The following CGNL1 variants were observed in gnomAD, a reference collection of about 807,000 sequenced individuals.
The protein encoded by CGNL1 is cingulin like 1.
In CGNL1, 132 loss-of-function variants were observed where a neutral mutation model predicts 141.2. The observed-to-expected ratio is 0.93, with a 90% confidence interval of 0.81 to 1.08. The LOEUF (loss-of-function observed/expected upper bound fraction) is 1.08, where lower values mean the gene tolerates loss of function less well. Ranked by LOEUF, CGNL1 falls within the 50% of genes least tolerant of loss-of-function variation. The pLI, the probability that CGNL1 is intolerant of heterozygous loss-of-function variation, is 0.00. For missense variants in CGNL1, 1,870 were observed against 1,588.6 expected (o/e 1.18, Z -3.01); for synonymous variants, 690 against 622.1 (o/e 1.11, Z -1.63).
Position 57,468,591 on chromosome 15 carries a change from T to C in CGNL1, c.2403+6699T>C, listed in dbSNP as rs1408562243. 5.4e-5 allele frequency among the ~76,000 whole-genome samples: 8 copies of C among 146,904 alleles called. No individual in the cohort carries two copies. In the South Asian group the frequency reaches 1.3e-3, roughly 24 times the overall value. ...GTGTGTGTGTGTGTGTGTGTGTGTG[T>C]TAAAGAATAAACAAAAAGAGTTAAA... On this transcript the variant is annotated intron_variant, in intron 8 of 18. Coordinates refer to ENST00000281282, the MANE Select transcript of CGNL1 (RefSeq NM_032866.5).
At chr15:57,397,430 T>C (rs902379661) in intron 1 of CGNL1, among the ~76,000 whole-genome samples, 5 of 152,224 alleles carry the variant, frequency 3.3e-5, no homozygotes, top group Admixed American at 3.3e-4. Flanking sequence ...AAGCTCCTGA[T>C]CCTAACTCTC....
chr15:57,541,704 G>T (rs546849804), intron 14 of CGNL1, among the ~76,000 whole-genome samples: 24 of 152,332 alleles, frequency 1.6e-4, no homozygotes, highest in African/African-American at 4.8e-4. Context: ...TTTTCACTTA[G>T]ATGGTCCAGA....
At chr15:57,395,656 A>G (rs1462346878) in intron 1 of CGNL1, among the ~76,000 whole-genome samples, 13 of 152,246 alleles carry the variant, frequency 8.5e-5, no homozygotes, top group African/African-American at 3.1e-4. Flanking sequence ...TTGCTGTTGT[A>G]TATTGGGCTC....
At chr15:57,405,597 G>A (rs1377776792) in intron 1 of CGNL1, among the ~76,000 whole-genome samples, 1 of 152,164 alleles carries the variant, frequency 6.6e-6, no homozygotes, top group Non-Finnish European at 1.5e-5. Flanking sequence ...GGAGCAGAGT[G>A]GAGCTGGGGA....
At chr15:57,394,511 A>C (rs1453621486) in intron 1 of CGNL1, among the ~76,000 whole-genome samples, 3 of 152,188 alleles carry the variant, frequency 2.0e-5, no homozygotes, top group African/African-American at 7.2e-5. Flanking sequence ...CCAAGGTGAC[A>C]TAACTAGTAA....
At chr15:57,422,140 C>A (rs1398260339) in intron 1 of CGNL1, among the ~76,000 whole-genome samples, 3 of 151,976 alleles carry the variant, frequency 2.0e-5, no homozygotes, top group African/African-American at 4.8e-5. Context: ...TAAACCCTGC[C>A]AGAGGGTAAT....
chr15:57,388,100 CA>C, intron 1 of CGNL1, among the ~76,000 whole-genome samples: 1 of 152,324 alleles, frequency 6.6e-6, no homozygotes. Flanking sequence ...ACCTTATCTG[CA>C]GTGTCGGGGG....
chr15:57,422,504 C>T lies in CGNL1; in HGVS notation c.-15-15481C>T, dbSNP rs533271561. Among the ~76,000 whole-genome samples, 33 of 152,266 alleles carry T rather than the reference C, an allele frequency of 2.2e-4. No individual in the cohort carries two copies. The South Asian group carries it at 6.8e-3, about 32-fold the overall frequency. ...CTCTTTTTGCAGTTTGCTCTGTGGT[C>T]ATCAGTTAACCACCCAAATGGAAGT... On this transcript the variant is annotated intron_variant, in intron 1 of 18. Coordinates refer to ENST00000281282, the MANE Select transcript of CGNL1 (RefSeq NM_032866.5).
intron 1 of CGNL1, among the ~76,000 whole-genome samples, chr15:57,413,206 T>TC (rs2062810969): frequency 7.8e-5 from 10 of 128,250 alleles, no homozygotes; most frequent in Non-Finnish European, 1.3e-4. Flanking sequence ...TTTCTCTCTT[T>TC]CTCTCTTCCT....
chr15:57,516,625 T>C (rs567612775), intron 8 of CGNL1, among the ~76,000 whole-genome samples, 155 bp from the exon 9 acceptor site: 1 of 152,322 alleles, frequency 6.6e-6, no homozygotes, highest in South Asian at 2.1e-4. Flanking sequence ...GGGGCTGGGT[T>C]TGGCCTGCAG....
At chr15:57,522,123 C>T (rs1280364) in intron 10 of CGNL1, among the ~76,000 whole-genome samples, 220 of 152,264 alleles carry the variant, frequency 1.4e-3, no homozygotes, top group African/African-American at 4.8e-3. Context: ...AATTCCCCCC[C>T]ACACTGAACT....
rs375805480 is a variant in CGNL1 at position 57,536,721 on chromosome 15, T to C, written c.3291+4942T>C. ...ATTGCCATCCTTACCAATGATTCCC[T>C]AAGTGCTAGGCACTGTGCTGGGTGC... On this transcript the variant is annotated intron_variant, in intron 14 of 18. Coordinates refer to ENST00000281282, the MANE Select transcript of CGNL1 (RefSeq NM_032866.5). Among the ~76,000 whole-genome samples the C allele has an allele frequency of 1.4e-4, 21 of 152,310 alleles. No individual in the cohort carries two copies. In the East Asian group the frequency reaches 2.3e-3, roughly 17 times the overall value.
At chr15:57,416,225 G>T (rs2062848045) in intron 1 of CGNL1, among the ~76,000 whole-genome samples, 1 of 149,906 alleles carries the variant, frequency 6.7e-6, no homozygotes, top group Admixed American at 6.6e-5. Context: ...TAAATTGTAA[G>T]GATGAGTGTA....
chr15:57,462,816 T>A (rs762977764), intron 8 of CGNL1, among the ~76,000 whole-genome samples: 1 of 152,236 alleles, frequency 6.6e-6, no homozygotes, highest in Non-Finnish European at 1.5e-5. Context: ...ATAGACTGTT[T>A]GGGGTTATTA....
intron 10 of CGNL1, among the ~76,000 whole-genome samples, chr15:57,518,835 C>T (rs563061866): frequency 6.6e-6 from 1 of 152,190 alleles, no homozygotes; most frequent in Admixed American, 6.5e-5. Context: ...GTCAGTAATG[C>T]GAAGGCGGAG....
rs1491455852 is a variant in CGNL1, at chr15:57,442,182, G to GGAAAAAAAAAAAAAAAAAAAAAAAA, written c.1698-191_1698-190insGAAAAAAAAAAAAAAAAAAAAAAAA. ...TTGAGTGGTAACACATCATTTATTT[G>GGAAAAAAAAAAAAAAAAAAAAAAAA]AAAAAAAAAAAAAAAAAAAAAGACA... is the stretch of plus-strand genomic sequence containing the variant. On this transcript the variant is annotated intron_variant, in intron 3 of 18. Coordinates refer to ENST00000281282, the MANE Select transcript of CGNL1 (RefSeq NM_032866.5). 6.0e-4 allele frequency among the ~76,000 whole-genome samples: 58 copies of GGAAAAAAAAAAAAAAAAAAAAAAAA among 96,506 alleles called. 5 individuals are homozygous for GGAAAAAAAAAAAAAAAAAAAAAAAA. Among genetic ancestry groups the GGAAAAAAAAAAAAAAAAAAAAAAAA allele is most frequent in the East Asian group, 4.3e-3 (12 of 2,808 alleles). 63.3% of individuals were successfully genotyped at this position (96,506 alleles called of 152,430 possible). A position where few individuals can be genotyped will look rare whatever the true frequency, so the allele number is the denominator to read the frequency against.
intron 8 of CGNL1, among the ~76,000 whole-genome samples, chr15:57,480,076 G>A (rs1046174653): frequency 6.6e-6 from 1 of 152,198 alleles, no homozygotes; most frequent in Non-Finnish European, 1.5e-5. Flanking sequence ...AGTATTAGCA[G>A]TATGTGGTTA....
chr15:57,414,921 G>C (rs1046164079), intron 1 of CGNL1, among the ~76,000 whole-genome samples: 4 of 152,168 alleles, frequency 2.6e-5, no homozygotes, highest in Admixed American at 2.0e-4. Context: ...ACAGGCTTTG[G>C]GGGTGAGAGA....
chr15:57,525,860 G>A (rs911336060), intron 12 of CGNL1, among the ~76,000 whole-genome samples: 4 of 151,616 alleles, frequency 2.6e-5, no homozygotes, highest in East Asian at 1.9e-4. Context: ...TGAAATTAGC[G>A]CACTGACATC....
Sources: allele counts gnomAD v4.1 joint callset (sites outside exome capture counted in the v4.1 genomes callset), GRCh38; gene constraint gnomAD v4.1.1; transcripts MANE v1.5; gene names NCBI Gene and HGNC (gene_info 2026-07-23, HGNC 2026-07-21).